SCML4: variants seen among roughly 807,000 people sequenced by gnomAD.
SCML4 encodes the protein Scm polycomb group protein like 4.
SCML4 carries 34 observed loss-of-function variants against 41.1 expected under a neutral mutation model. The observed-to-expected ratio is 0.83, with a 90% CI of 0.63 to 1.10. The LOEUF (loss-of-function observed/expected upper bound fraction) is 1.10, where lower values mean the gene tolerates loss of function less well. Ranked by LOEUF, SCML4 falls within the 50% of genes least tolerant of loss-of-function variation. The pLI is 0.00. For synonymous variants in SCML4, 214 were observed against 220.9 expected (o/e 0.97, Z 0.28); for missense variants, 522 against 534.1 (o/e 0.98, Z 0.22).
chr6:107,815,609 G>T, intron 1 of SCML4, among the ~76,000 whole-genome samples: 1 of 152,198 alleles, frequency 6.6e-6, no homozygotes, highest in East Asian at 1.9e-4. Context: ...TTGGAGGGGT[G>T]GCCCAACCTG....
intron 5 of SCML4, among the ~76,000 whole-genome samples, chr6:107,730,388 T>A (rs941281744): frequency 6.6e-6 from 1 of 152,174 alleles, no homozygotes; most frequent in African/African-American, 2.4e-5. Flanking sequence ...TGAAAGAAGC[T>A]GTCTTGTCAC....
chr6:107,811,176 T>C (rs1215596486), intron 1 of SCML4, among the ~76,000 whole-genome samples: 1 of 152,182 alleles, frequency 6.6e-6, no homozygotes, highest in East Asian at 1.9e-4. Context: ...CTTTCAGAAC[T>C]GTTAGAAAAT....
At chr6:107,814,013 GT>G (rs1223226564) in intron 1 of SCML4, among the ~76,000 whole-genome samples, 1 of 152,224 alleles carries the variant, frequency 6.6e-6, no homozygotes, top group Non-Finnish European at 1.5e-5. Context: ...GTGACTCAGG[GT>G]TCCAAGAGCT....
At chr6:107,808,092 T>A (rs1446265052) in intron 1 of SCML4, among the ~76,000 whole-genome samples, 1 of 152,162 alleles carries the variant, frequency 6.6e-6, no homozygotes, top group East Asian at 1.9e-4. Context: ...CCACCCTTTG[T>A]GTCTGTCTGA....
At chr6:107,841,429 CTG>C in the SCML4 span, among the ~76,000 whole-genome samples, 1 of 152,362 alleles carries the variant, frequency 6.6e-6, no homozygotes, top group Admixed American at 6.5e-5. Flanking sequence ...ATGCCAGACA[CTG>C]TGCCAGCACG....
Position 107,800,205 on chromosome 6 carries a change from C to T in SCML4, c.-60+23921G>A, listed in dbSNP as rs111734568. Among the ~76,000 whole-genome samples the T allele has an allele frequency of 7.2e-5, 11 of 152,184 alleles. No individual in the cohort carries two copies. The East Asian group carries it at 1.3e-3, about 19-fold the overall frequency. ...TTTCTTGACCATGGGTAACATTTTC[C>T]GCCTTCTTTACATGTCTAATTAAAC... On this transcript the variant is annotated intron_variant, in intron 1 of 7. Transcript: ENST00000369020.
At chr6:107,742,076 CAA>C (rs1680384579) in intron 5 of SCML4, among the ~76,000 whole-genome samples, 1 of 151,648 alleles carries the variant, frequency 6.6e-6, no homozygotes. Flanking sequence ...AGAAATTTAA[CAA>C]AGAGATTGAA....
intron 1 of SCML4, among the ~76,000 whole-genome samples, chr6:107,789,822 C>T (rs1388360322): frequency 2.0e-5 from 3 of 152,238 alleles, no homozygotes; most frequent in Non-Finnish European, 4.4e-5. Flanking sequence ...ACACACACCA[C>T]TGCACACAGG....
rs1369085573 is a variant in SCML4 at position 107,778,210 on chromosome 6, AAAAAAAAAAAAAATATATATATATAT to A, written c.-59-5850_-59-5825del. Among the ~76,000 whole-genome samples, 208 of 21,326 alleles carry A rather than the reference AAAAAAAAAAAAAATATATATATATAT, an allele frequency of 9.8e-3. 8 individuals are homozygous for A. Among genetic ancestry groups the A allele is most frequent in the Admixed American group, 0.028 (43 of 1,528 alleles). 14.0% of individuals were successfully genotyped at this position (21,326 alleles called of 152,430 possible). A position where few individuals can be genotyped will look rare whatever the true frequency, so the allele number is the denominator to read the frequency against. ...AGACTCTATCTCAAAAAAAAAAAAA[AAAAAAAAAAAAAATATATATATATAT>A]ATATATATATATATATATATATATA... On this transcript the variant is annotated intron_variant, in intron 1 of 7. Transcript: ENST00000369020.
At chr6:107,798,245 C>CA (rs1782853851) in intron 1 of SCML4, among the ~76,000 whole-genome samples, 1 of 151,856 alleles carries the variant, frequency 6.6e-6, no homozygotes, top group Non-Finnish European at 1.5e-5. Context: ...CAGAAGTCAT[C>CA]TGAGTCTGAA....
At chr6:107,727,803 C>T (rs186142764) in intron 5 of SCML4, among the ~76,000 whole-genome samples, 80 of 152,344 alleles carry the variant, frequency 5.3e-4, no homozygotes, top group African/African-American at 1.8e-3. Flanking sequence ...CTACTATCTA[C>T]GATCTAAAGC....
At chr6:107,840,881 T>A in the SCML4 span, among the ~76,000 whole-genome samples, 1 of 152,152 alleles carries the variant, frequency 6.6e-6, no homozygotes, top group African/African-American at 2.4e-5. Flanking sequence ...TCATCTACCA[T>A]GCATAGCAGA....
At chr6:107,763,098 G>T (rs1249939198) in intron 2 of SCML4, among the ~76,000 whole-genome samples, 2 of 151,928 alleles carry the variant, frequency 1.3e-5, no homozygotes, top group African/African-American at 4.8e-5. Flanking sequence ...GCCCAGGCTG[G>T]TCTCGAACTC....
intron 1 of SCML4, among the ~76,000 whole-genome samples, chr6:107,822,240 G>T (rs1330986645): frequency 6.6e-6 from 1 of 152,040 alleles, no homozygotes; most frequent in Non-Finnish European, 1.5e-5. Flanking sequence ...CATTATAAAA[G>T]TTCTTGCAGC....
intron 5 of SCML4, among the ~76,000 whole-genome samples, chr6:107,735,918 A>G (rs967936212): frequency 6.6e-6 from 1 of 152,204 alleles, no homozygotes; most frequent in Non-Finnish European, 1.5e-5. Context: ...TCGTCTTGTA[A>G]AACTGAAACT....
chr6:107,774,801 C>A (rs1348469835), intron 1 of SCML4, among the ~76,000 whole-genome samples: 7 of 151,988 alleles, frequency 4.6e-5, no homozygotes, highest in African/African-American at 1.7e-4. Flanking sequence ...GCGGGCAGAT[C>A]ACCTGAGGTC....
rs117034376 is a variant in SCML4, at chr6:107,745,573, A to G, written c.488-430T>C. The G allele has an allele frequency of 4.6e-3, 713 of 154,380 alleles. 10 individuals are homozygous for G. In the East Asian group the frequency reaches 0.063, roughly 14 times the overall value. The allele number at this position is 154,380 out of a possible 1,614,324, so 9.6% of individuals were successfully genotyped here. The stretch of plus-strand genomic sequence containing the variant: ...CTGGAGGAGTGCCGTGACCATGGAA[A>G]AAGGGATTTCTCTGACTCTGAAGGA... On this transcript the variant is annotated intron_variant, in intron 4 of 7. Coordinates refer to ENST00000369020, the MANE Select transcript of SCML4 (RefSeq NM_198081.5).
intron 1 of SCML4, among the ~76,000 whole-genome samples, chr6:107,779,966 C>T (rs1252444757): frequency 6.6e-6 from 1 of 152,164 alleles, no homozygotes; most frequent in African/African-American, 2.4e-5. Flanking sequence ...TACAGTTTTC[C>T]CTTTGTTTTG....
intron 6 of SCML4, among the ~76,000 whole-genome samples, chr6:107,714,961 C>T (rs1251659927): frequency 7.5e-6 from 1 of 132,646 alleles, no homozygotes; most frequent in Non-Finnish European, 1.6e-5. Flanking sequence ...CCCTGGTGTC[C>T]CTGCACAAAC....
Sources: gnomAD v4.1 joint callset for allele counts (sites outside exome capture counted in the v4.1 genomes callset) on GRCh38, gnomAD v4.1.1 for gene constraint, MANE v1.5 for transcripts, NCBI Gene and HGNC (gene_info 2026-07-23, HGNC 2026-07-21) for gene names.